The following SLC12A7 variants were observed in gnomAD, a reference collection of about 807,000 sequenced individuals.
SLC12A7 encodes solute carrier family 12 member 7.
In SLC12A7, 100 loss-of-function variants were observed where a neutral mutation model predicts 120.6. The observed-to-expected ratio is 0.83, with a 90% confidence interval of 0.71 to 0.98. The LOEUF (loss-of-function observed/expected upper bound fraction) is 0.98. Ranked by LOEUF, SLC12A7 falls within the 50% of genes least tolerant of loss-of-function variation. The probability of loss-of-function intolerance (pLI) is 0.00; values close to 1 mark genes in which losing one functional copy is unlikely to be tolerated. For missense variants in SLC12A7, 1,373 were observed against 1,548.1 expected, an observed-to-expected ratio of 0.89 and a Z score of 1.90; for synonymous variants, 760 against 678.0, an observed-to-expected ratio of 1.12 and a Z score of -1.88.
chr5:1,077,834 T>G lies in SLC12A7; in HGVS notation c.1628A>C (p.Gln543Pro). The G allele has an allele frequency of 6.3e-7, 1 of 1,583,784 alleles. No individual in the cohort carries two copies. Among genetic ancestry groups the G allele is most frequent in the Non-Finnish European group, 8.6e-7 (1 of 1,165,886 alleles). The change falls in exon 12 of 24, where the codon CAG becomes CCG. Residue 543 changes from glutamine to proline, a missense_variant and splice_region_variant. By Grantham distance (76) the Gln-to-Pro change is moderately conservative (BLOSUM62 -1). Transcript: ENST00000264930. The part of the protein sequence containing the change: ...IARDGIVPFL[Q>P]VFGHGKANGE... ...CCCCGACGAGGGTGCGGGACTCACCTGCAGGAAGGGGACGATGCCGTCACG... is the reference window on the plus strand; with the variant it reads ...CCCCGACGAGGGTGCGGGACTCACCGGCAGGAAGGGGACGATGCCGTCACG...
intron 1 of SLC12A7, among the ~76,000 whole-genome samples, chr5:1,095,672 C>A (rs1256218473): frequency 1.3e-5 from 2 of 152,256 alleles, no homozygotes; most frequent in Non-Finnish European, 2.9e-5. Flanking sequence ...CACCAAACAA[C>A]CCCAGCTGGG....
the SLC12A7 span, among the ~76,000 whole-genome samples, chr5:1,149,193 T>C: frequency 6.8e-6 from 1 of 147,166 alleles, no homozygotes; most frequent in African/African-American, 2.6e-5. Context: ...TGACATCTGT[T>C]TTCCAGCCAT....
the SLC12A7 span, among the ~76,000 whole-genome samples, chr5:1,120,760 G>A: frequency 6.6e-6 from 1 of 152,304 alleles, no homozygotes; most frequent in African/African-American, 2.4e-5. Context: ...GATCTCGCAC[G>A]TGGGCTGCAG....
intron 7 of SLC12A7, among the ~76,000 whole-genome samples, chr5:1,084,901 C>A (rs984268522): frequency 6.6e-6 from 1 of 152,126 alleles, no homozygotes; most frequent in Non-Finnish European, 1.5e-5. Context: ...GCCCCAGCAG[C>A]AGCCAGGGCC....
At chr5:1,144,527 C>T in the SLC12A7 span, among the ~76,000 whole-genome samples, 372 of 152,292 alleles carry the variant, frequency 2.4e-3, no homozygotes, top group Non-Finnish European at 3.9e-3. Flanking sequence ...CCCTCAGCTC[C>T]GGGTCACGCT....
chr5:1,125,646 C>G, the SLC12A7 span, among the ~76,000 whole-genome samples: 4 of 152,184 alleles, frequency 2.6e-5, no homozygotes, highest in Admixed American at 2.0e-4. Context: ...CTACCTGGGC[C>G]GGGCACAGTG....
Position 1,057,634 on chromosome 5 carries a change from C to T in SLC12A7, c.2863G>A (p.Asp955Asn). Residue 955 changes from aspartate (D) to asparagine (N), a missense_variant, in exon 22 of 24, where the codon GAC (aspartate) becomes AAC (asparagine). Coordinates refer to ENST00000264930, the MANE Select transcript of SLC12A7 (RefSeq NM_006598.3). ...EQEREAQLIH[D>N]RNTASHTAAA... ...GCGGTGTGGGACGCGGTGTTCCTGT[C>T]GTGGATCAGCTGGGCCTGGCGGGCC... is the stretch of plus-strand genomic sequence containing the variant. 6 of 1,600,340 alleles carry T rather than the reference C, an allele frequency of 3.7e-6. No homozygotes were observed. The highest frequency in any genetic ancestry group is 1.1e-5 in the South Asian group (1 of 90,786).
upstream of SLC12A7, among the ~76,000 whole-genome samples, chr5:1,112,880 C>A (rs1424358688): frequency 1.5e-5 from 2 of 131,970 alleles, no homozygotes; most frequent in Admixed American, 1.5e-4. Context: ...GTCCCCCCCC[C>A]CACCCATGAC....
At chr5:1,144,153 C>T in the SLC12A7 span, among the ~76,000 whole-genome samples, 7 of 152,048 alleles carry the variant, frequency 4.6e-5, no homozygotes, top group African/African-American at 1.2e-4. Context: ...AGGACGTGGA[C>T]GCACCCACCA....
the SLC12A7 span, among the ~76,000 whole-genome samples, chr5:1,138,614 C>T: frequency 6.6e-6 from 1 of 152,230 alleles, no homozygotes. Context: ...GGGGCGACTT[C>T]AGCTGGAGAT....
rs1561079768 is a variant in SLC12A7, at chr5:1,085,618, GCGGGGGT to G, written c.676-152_676-146del. On this transcript the variant is annotated intron_variant, in intron 6 of 23. Coordinates refer to ENST00000264930, the MANE Select transcript of SLC12A7 (RefSeq NM_006598.3). ...GACGCATCCGTGCTGGACGGAGCCCGCGGGGGTCAGCGCACAGGCAAGGGACGGAGCC... is the reference window on the plus strand; with the variant it reads ...GACGCATCCGTGCTGGACGGAGCCCGCAGCGCACAGGCAAGGGACGGAGCC... 1.5e-5 allele frequency: 18 copies of G among 1,208,978 alleles called. No individual in the cohort carries two copies. In the East Asian group the frequency reaches 2.3e-4, roughly 16 times the overall value. 74.9% of individuals were successfully genotyped at this position (1,208,978 alleles called of 1,614,324 possible). A position where few individuals can be genotyped will look rare whatever the true frequency, so the allele number is the denominator to read the frequency against.
At position 1,073,925 on chromosome 5, in the gene SLC12A7, C is replaced by T. The variant is rs568355358; in HGVS notation, c.2073-124G>A. 42 of 967,680 alleles carry T rather than the reference C, an allele frequency of 4.3e-5. No individual in the cohort carries two copies. In the South Asian group the frequency reaches 6.7e-4, roughly 15 times the overall value. The allele number at this position is 967,680 out of a possible 1,614,324, so 59.9% of individuals were successfully genotyped here. A position where few individuals can be genotyped will look rare whatever the true frequency, so the allele number is the denominator to read the frequency against. Reference sequence around the variant, plus strand: ...GGTGGGACGGGAGATACATGACAGGCGGGACAGGGGACAAAAGGGGCAGGT... The same window carrying T: ...GGTGGGACGGGAGATACATGACAGGTGGGACAGGGGACAAAAGGGGCAGGT... On this transcript the variant is annotated intron_variant, in intron 16 of 23. Transcript: ENST00000264930.
In SLC12A7 at chr5:1,059,737, G is replaced by A. The variant is rs552908374; in HGVS notation, c.2847+607C>T. The stretch of plus-strand genomic sequence containing the variant: ...AGCCAGGCGGCCAGCTTCCACGCAC[G>A]GAGGCTGCACAGGTCTGTGTCGGGG... On this transcript the variant is annotated intron_variant, in intron 21 of 23. Transcript: ENST00000264930. Among the ~76,000 whole-genome samples the A allele has an allele frequency of 1.5e-3, 205 of 140,652 alleles. 2 individuals are homozygous for A. Among genetic ancestry groups the A allele is most frequent in the South Asian group, 3.4e-3 (13 of 3,804 alleles). The allele number at this position is 140,652 out of a possible 152,430, so 92.3% of individuals were successfully genotyped here. A position where few individuals can be genotyped will look rare whatever the true frequency, so the allele number is the denominator to read the frequency against.
intron 3 of SLC12A7, 64 bp downstream of exon 3, chr5:1,093,469 G>T: frequency 6.9e-7 from 1 of 1,447,310 alleles, no homozygotes. Flanking sequence ...CCTTGCCGGC[G>T]TGATCTAACC....
chr5:1,116,580 C>G (rs1421049037), upstream of SLC12A7, among the ~76,000 whole-genome samples: 2 of 152,190 alleles, frequency 1.3e-5, no homozygotes, highest in Non-Finnish European at 1.5e-5. Flanking sequence ...AGTCTTCGCT[C>G]AAGTTCCCTC....
chr5:1,069,135 G>C (rs1737366305), intron 17 of SLC12A7, among the ~76,000 whole-genome samples: 1 of 152,260 alleles, frequency 6.6e-6, no homozygotes, highest in Non-Finnish European at 1.5e-5. Context: ...TCAGGGAAAG[G>C]GAAGGCCCAG....
intron 3 of SLC12A7, 52 bp from the exon 4 acceptor site, chr5:1,089,180 AG>A (rs1359834750): frequency 1.9e-6 from 3 of 1,584,552 alleles, no homozygotes; most frequent in Non-Finnish European, 2.6e-6. Context: ...ACCCAGAGGG[AG>A]CCCCCTCCCC....
chr5:1,100,703 G>A (rs1246010736), intron 1 of SLC12A7, among the ~76,000 whole-genome samples: 3 of 152,228 alleles, frequency 2.0e-5, no homozygotes, highest in African/African-American at 7.2e-5. Flanking sequence ...ACACTCAGCT[G>A]CAGGCTAACC....
intron 1 of SLC12A7, among the ~76,000 whole-genome samples, chr5:1,103,031 ACGAC>A (rs1345580639): frequency 1.3e-5 from 2 of 152,124 alleles, no homozygotes; most frequent in Non-Finnish European, 2.9e-5. Context: ...ACGCCAGCTG[ACGAC>A]CCCTGGCCCT....
Sources: gnomAD v4.1 joint callset for allele counts (sites outside exome capture counted in the v4.1 genomes callset) on GRCh38, gnomAD v4.1.1 for gene constraint, MANE v1.5 for transcripts, NCBI Gene and HGNC (gene_info 2026-07-23, HGNC 2026-07-21) for gene names.